The following USP39 variants were observed in gnomAD, a reference collection of about 807,000 sequenced individuals.
USP39 encodes the protein ubiquitin carboxyl-terminal hydrolase 39.
In USP39, 38 loss-of-function variants were observed where a neutral mutation model predicts 66.4. The observed-to-expected ratio is 0.57, with a 90% CI of 0.44 to 0.75. USP39 has a LOEUF of 0.75. Among genes scored for constraint, USP39 ranks in the 30% least tolerant of loss-of-function variants. The pLI is 0.00. For synonymous variants in USP39, 303 were observed against 274.6 expected (o/e 1.10, Z -1.02); for missense variants, 608 against 714.4 (o/e 0.85, Z 1.70).
At chr2:85,627,094 G>T (rs1017372615) in intron 5 of USP39, among the ~76,000 whole-genome samples, 1 of 151,386 alleles carries the variant, frequency 6.6e-6, no homozygotes, top group Non-Finnish European at 1.5e-5. Context: ...ATGAGTAATA[G>T]GTGCATACTG....
chr2:85,603,793 C>T (rs1228644062), intron 1 of USP39, among the ~76,000 whole-genome samples: 3 of 152,076 alleles, frequency 2.0e-5, no homozygotes, highest in Non-Finnish European at 4.4e-5. Flanking sequence ...CGGGGTTTCA[C>T]CATGTTAGCC....
At chr2:85,648,736 C>T (rs1459458206) in intron 12 of USP39, 25 bp from the exon 13 acceptor site, 1 of 1,613,822 alleles carries the variant, frequency 6.2e-7, no homozygotes, top group South Asian at 1.1e-5. Context: ...TCCTAGACTT[C>T]AGTTTGTGTT....
chr2:85,615,831 TGTTGGTCAG>T (rs536196929), upstream of USP39, among the ~76,000 whole-genome samples: 18 of 152,172 alleles, frequency 1.2e-4, no homozygotes, highest in East Asian at 2.3e-3. Context: ...GGTTTCTCCA[TGTTGGTCAG>T]GTTGGTCTCG....
At chr2:85,620,029 AT>A (rs898555757) in intron 2 of USP39, among the ~76,000 whole-genome samples, 2 of 150,872 alleles carry the variant, frequency 1.3e-5, no homozygotes, top group Non-Finnish European at 1.5e-5. Flanking sequence ...TAATTTTTGT[AT>A]TTTTTTTAGA....
chr2:85,612,286 G>C (rs1673613172), upstream of USP39: 1 of 1,533,202 alleles, frequency 6.5e-7, no homozygotes, highest in Non-Finnish European at 8.7e-7. Context: ...GCTGATACCA[G>C]AACCTTCAGA....
chr2:85,637,316 C>T (rs2104326154), intron 7 of USP39, 53 bp from the exon 8 acceptor site: 2 of 1,583,788 alleles, frequency 1.3e-6, no homozygotes, highest in Admixed American at 1.7e-5. Flanking sequence ...AAATATACTT[C>T]AGACATGTTT....
chr2:85,612,108 G>GCC (rs532822784), upstream of USP39: 3 of 959,108 alleles, frequency 3.1e-6, no homozygotes, highest in South Asian at 3.5e-5. Context: ...GGTCTGGGAG[G>GCC]CCCCGGCCTG....
intron 10 of USP39, 43 bp downstream of exon 10, chr2:85,641,161 T>TG (rs1676207912): frequency 6.2e-7 from 1 of 1,604,614 alleles, no homozygotes; most frequent in African/African-American, 1.3e-5. Context: ...GGAGTGAACC[T>TG]GGATTTCTTC....
intron 3 of USP39, among the ~76,000 whole-genome samples, chr2:85,622,658 C>CT (rs913423346): frequency 6.8e-6 from 1 of 146,954 alleles, no homozygotes; most frequent in African/African-American, 2.5e-5. Context: ...GCTCAAAGGA[C>CT]TTTTTTTATT....
upstream of USP39, chr2:85,615,996 T>C (rs1573386841): frequency 8.5e-7 from 1 of 1,169,916 alleles, no homozygotes; most frequent in African/African-American, 1.6e-5. Flanking sequence ...TAAACGACAG[T>C]AGGCCCACAG....
intron 8 of USP39, 42 bp downstream of exon 8, chr2:85,637,478 TTGAGGGGAC>T: frequency 6.3e-7 from 1 of 1,599,630 alleles, no homozygotes; most frequent in Non-Finnish European, 8.6e-7. Context: ...TTCATATTGC[TTGAGGGGAC>T]GTAGGGGAGA....
intron 6 of USP39, among the ~76,000 whole-genome samples, chr2:85,633,209 C>T (rs1675504393): frequency 6.6e-6 from 1 of 150,930 alleles, no homozygotes; most frequent in Non-Finnish European, 1.5e-5. Context: ...CAACCTCTGT[C>T]TCCCCAGTTC....
chr2:85,614,237 A>G (rs1255898102), upstream of USP39, among the ~76,000 whole-genome samples: 1 of 152,182 alleles, frequency 6.6e-6, no homozygotes, highest in Non-Finnish European at 1.5e-5. Context: ...TAAAGTAGCC[A>G]GGTGTCGCGG....
At chr2:85,611,463 C>T (rs993059275), upstream of USP39, 9 of 1,545,422 alleles carry the variant, frequency 5.8e-6, no homozygotes, top group Non-Finnish European at 7.9e-6. Context: ...ACTCTGACAG[C>T]GATGCTTAAC....
At chr2:85,616,159 T>C, upstream of USP39, 1 of 1,395,188 alleles carries the variant, frequency 7.2e-7, no homozygotes, top group Non-Finnish European at 9.4e-7. Context: ...TCGAGCGTGC[T>C]TGGCGCCTGC....
chr2:85,610,963 G>T (rs999894589), upstream of USP39: 1 of 152,292 alleles, frequency 6.6e-6, no homozygotes. Context: ...GTTTCACCAT[G>T]TTAGCCAGGA....
upstream of USP39, chr2:85,611,191 G>C: frequency 5.5e-6 from 6 of 1,100,388 alleles, no homozygotes; most frequent in Non-Finnish European, 5.7e-6. Flanking sequence ...CTGGGCGACA[G>C]AGACCTAGTC....
Position 85,625,752 on chromosome 2 carries a change from C to T in USP39, c.723+61C>T, listed in dbSNP as rs1026708413. On this transcript the variant is annotated intron_variant, in intron 5 of 12. Transcript: ENST00000323701. ...ACACCCAGAAGGCTGAGCACAGTGG[C>T]TCACCCCTGTAATCCCAGCACTTTG... is the stretch of plus-strand genomic sequence containing the variant. 3.2e-6 allele frequency: 5 copies of T among 1,579,076 alleles called. No individual in the cohort carries two copies. In the African/African-American group the frequency reaches 5.4e-5, roughly 17 times the overall value.
At chr2:85,623,848 A>C in intron 4 of USP39, 66 bp downstream of exon 4, 1 of 1,512,174 alleles carries the variant, frequency 6.6e-7, no homozygotes, top group Admixed American at 2.0e-5. Flanking sequence ...CTCCCAGGGG[A>C]CTGCCCCACC....
Sources: gnomAD v4.1 joint callset for allele counts (sites outside exome capture counted in the v4.1 genomes callset) on GRCh38, gnomAD v4.1.1 for gene constraint, MANE v1.5 for transcripts, NCBI Gene and HGNC (gene_info 2026-07-23, HGNC 2026-07-21) for gene names.